Variants in TRPM3 observed in about 807,000 individuals in gnomAD.
TRPM3 encodes the protein transient receptor potential cation channel subfamily M member 3.
In TRPM3, 77 loss-of-function variants were observed where a neutral mutation model predicts 181.2. The ratio of observed to expected loss-of-function variants is 0.42; its 90% CI spans 0.35 to 0.51. The LOEUF (loss-of-function observed/expected upper bound fraction) is 0.51, where lower values mean the gene tolerates loss of function less well. TRPM3 is among the 20% of genes least tolerant of loss of function. The pLI, the probability that TRPM3 is intolerant of heterozygous loss-of-function variation, is 0.01. For missense variants in TRPM3, 1,759 were observed against 2,196.7 expected, an observed-to-expected ratio of 0.80 and a Z score of 3.98; for synonymous variants, 745 against 796.4, an observed-to-expected ratio of 0.94 and a Z score of 1.09.
intron 22 of TRPM3, among the ~76,000 whole-genome samples, chr9:70,570,604 C>T (rs1047556642): frequency 9.8e-5 from 15 of 152,288 alleles, no homozygotes; most frequent in African/African-American, 2.6e-4. Context: ...TAAGCCACGG[C>T]GTCCGGCCTT....
intron 22 of TRPM3, among the ~76,000 whole-genome samples, chr9:70,556,093 G>A (rs923138219): frequency 6.6e-6 from 1 of 152,172 alleles, no homozygotes; most frequent in African/African-American, 2.4e-5. Flanking sequence ...AACAGTAGGT[G>A]CTTGCTTGTT....
chr9:70,650,706 T>C (rs1302757185), intron 9 of TRPM3, among the ~76,000 whole-genome samples: 1 of 152,186 alleles, frequency 6.6e-6, no homozygotes, highest in Non-Finnish European at 1.5e-5. Context: ...CTTCATTTCA[T>C]TTTTGTTCGC....
At chr9:71,410,716 C>A (rs1345157729) in intron 1 of TRPM3, among the ~76,000 whole-genome samples, 4 of 152,126 alleles carry the variant, frequency 2.6e-5, no homozygotes, top group Non-Finnish European at 5.9e-5. Flanking sequence ...TGAAACTATT[C>A]CAATCAATAG....
intron 1 of TRPM3, among the ~76,000 whole-genome samples, chr9:71,247,724 G>C (rs961915877): frequency 3.9e-5 from 6 of 152,082 alleles, no homozygotes; most frequent in Non-Finnish European, 8.8e-5. Flanking sequence ...GAGCTCCCGT[G>C]GGCAATGGGA....
At chr9:71,022,242 C>G (rs2097852830) in intron 1 of TRPM3, among the ~76,000 whole-genome samples, 2 of 152,178 alleles carry the variant, frequency 1.3e-5, no homozygotes, top group African/African-American at 4.8e-5. Flanking sequence ...TAGACCTACA[C>G]AAATATGTCT....
chr9:70,917,127 G>A lies in TRPM3; in HGVS notation c.178-52616C>T, dbSNP rs550657124. ...ATGTAACACATTTCCATAGGGGTTC[G>A]GATGAGTTCGGCCACATCTGGGGCA... On this transcript the variant is annotated intron_variant, in intron 1 of 25. Transcript: ENST00000677713. 114 of 1,605,258 alleles carry A rather than the reference G, an allele frequency of 7.1e-5. No individual in the cohort carries two copies. In the Middle Eastern group the frequency reaches 1.3e-3, roughly 19 times the overall value.
chr9:70,662,467 G>A lies in TRPM3; in HGVS notation c.1345+19039C>T, dbSNP rs577212221. ...ACAGAGTAAACAGACAACCCACAGAGCGGGAGAAAATATTCACAAACTATG... is the reference window on the plus strand; with the variant it reads ...ACAGAGTAAACAGACAACCCACAGAACGGGAGAAAATATTCACAAACTATG... On this transcript the variant is annotated intron_variant, in intron 9 of 25. Coordinates refer to ENST00000677713, the MANE Select transcript of TRPM3 (RefSeq NM_001366145.2). Among the ~76,000 whole-genome samples the A allele has an allele frequency of 1.5e-3, 231 of 152,116 alleles. 1 individual carries two copies. The highest frequency in any genetic ancestry group is 5.2e-3 in the African/African-American group (217 of 41,520).
intron 7 of TRPM3, 114 bp from the exon 8 acceptor site, chr9:70,761,838 T>A: frequency 8.2e-7 from 1 of 1,217,572 alleles, no homozygotes; most frequent in Non-Finnish European, 1.1e-6. Flanking sequence ...ATAGGAGTTA[T>A]TTCTGTATTT....
At chr9:71,072,137 G>A (rs2062847758) in intron 1 of TRPM3, among the ~76,000 whole-genome samples, 1 of 152,068 alleles carries the variant, frequency 6.6e-6, no homozygotes, top group Non-Finnish European at 1.5e-5. Context: ...TCTTTATATA[G>A]GAAAGCCCAA....
chr9:71,408,892 T>G (rs1387210392), intron 1 of TRPM3, among the ~76,000 whole-genome samples: 3 of 152,154 alleles, frequency 2.0e-5, no homozygotes, highest in Non-Finnish European at 2.9e-5. Context: ...CCCATCGGAC[T>G]AGCAGCTGAT....
At chr9:70,912,541 G>C (rs1428826920) in intron 1 of TRPM3, among the ~76,000 whole-genome samples, 1 of 152,180 alleles carries the variant, frequency 6.6e-6, no homozygotes, top group African/African-American at 2.4e-5. Context: ...GCTGATAGTA[G>C]ATAAGGAAAG....
intron 7 of TRPM3, among the ~76,000 whole-genome samples, chr9:70,771,136 G>C: frequency 6.6e-6 from 1 of 152,218 alleles, no homozygotes; most frequent in East Asian, 1.9e-4. Flanking sequence ...GAACTCAAAC[G>C]GGTGTTAGGA....
chr9:70,684,973 GT>G (rs1178881514), intron 8 of TRPM3, among the ~76,000 whole-genome samples: 1 of 152,142 alleles, frequency 6.6e-6, no homozygotes, highest in African/African-American at 2.4e-5. Flanking sequence ...TTAGCAGGAT[GT>G]TTATATGCTG....
intron 1 of TRPM3, among the ~76,000 whole-genome samples, chr9:71,286,164 C>G (rs972332424): frequency 3.3e-5 from 5 of 152,176 alleles, no homozygotes; most frequent in Non-Finnish European, 7.3e-5. Flanking sequence ...GTATGGGAAT[C>G]ACCGCAATTT....
intron 6 of TRPM3, among the ~76,000 whole-genome samples, chr9:70,789,393 T>C (rs1303766152): frequency 6.6e-6 from 1 of 152,176 alleles, no homozygotes; most frequent in African/African-American, 2.4e-5. Flanking sequence ...TACTGGTCAT[T>C]CATTGAAAAC....
intron 1 of TRPM3, among the ~76,000 whole-genome samples, chr9:71,188,102 A>C (rs374572396): frequency 6.6e-6 from 1 of 151,950 alleles, no homozygotes; most frequent in African/African-American, 2.4e-5. Flanking sequence ...TCCTGTGGGC[A>C]CAAGTGCAAG....
At chr9:71,441,045 A>C (rs1031923138) in intron 1 of TRPM3, among the ~76,000 whole-genome samples, 38 of 152,220 alleles carry the variant, frequency 2.5e-4, no homozygotes, top group African/African-American at 8.9e-4. Flanking sequence ...CTCCAAACTT[A>C]AAGTATTTGA....
At chr9:70,693,633 T>C (rs565360786) in intron 8 of TRPM3, among the ~76,000 whole-genome samples, 1 of 152,216 alleles carries the variant, frequency 6.6e-6, no homozygotes, top group South Asian at 2.1e-4. Context: ...GAAGGTATCA[T>C]AAAGTGCTAT....
chr9:71,309,095 A>C (rs2087667379), intron 1 of TRPM3, among the ~76,000 whole-genome samples: 1 of 152,180 alleles, frequency 6.6e-6, no homozygotes, highest in African/African-American at 2.4e-5. Context: ...AGATACAAAC[A>C]CATCACCAAC....
Sources: gnomAD v4.1 joint callset for allele counts (sites outside exome capture counted in the v4.1 genomes callset) on GRCh38, gnomAD v4.1.1 for gene constraint, MANE v1.5 for transcripts, NCBI Gene and HGNC (gene_info 2026-07-23, HGNC 2026-07-21) for gene names.